The following UBAP2L variants were observed in gnomAD, a reference collection of about 807,000 sequenced individuals.
UBAP2L encodes ubiquitin associated protein 2 like, also known as ubiquitin-associated protein 2-like.
A neutral mutation model predicts 130.6 loss-of-function variants in UBAP2L; 12 were observed. That is an observed-to-expected ratio of 0.09 (90% confidence interval 0.06 to 0.15). The LOEUF is 0.15. Ranked by LOEUF, UBAP2L falls within the 10% of genes least tolerant of loss-of-function variation. UBAP2L has a pLI of 1.00. For synonymous variants in UBAP2L, 503 were observed against 524.7 expected (o/e 0.96, Z 0.57); for missense variants, 965 against 1,332.5 (o/e 0.72, Z 4.29).
chr1:154,220,190 G>A, upstream of UBAP2L: 1 of 1,000,992 alleles, frequency 1.0e-6, no homozygotes, highest in Non-Finnish European at 1.6e-6. Context: ...CCGACTAAGT[G>A]ACTTAAACTC....
chr1:154,269,606 C>G, intron 26 of UBAP2L: 1 of 357,902 alleles, frequency 2.8e-6, no homozygotes, highest in South Asian at 2.2e-5. Flanking sequence ...ATCTTTGTAC[C>G]CTTCCCCAGC....
At chr1:154,254,808 G>T (rs755016248) in intron 15 of UBAP2L, 28 bp from the exon 16 acceptor site, 1 of 1,569,152 alleles carries the variant, frequency 6.4e-7, no homozygotes, top group Non-Finnish European at 8.5e-7. Flanking sequence ...TCTGTTTCTT[G>T]CTCTTCTGTT....
chr1:154,243,945 A>G (rs140428422), intron 10 of UBAP2L, among the ~76,000 whole-genome samples: 3 of 152,296 alleles, frequency 2.0e-5, no homozygotes, highest in African/African-American at 7.2e-5. Flanking sequence ...AAAAGTGGAA[A>G]TGTTTTCATT....
chr1:154,251,180 T>A lies in UBAP2L; in HGVS notation c.1353T>A (p.Pro451=), dbSNP rs779760753. 1.9e-6 allele frequency: 3 copies of A among 1,614,028 alleles called. No homozygotes were observed. Among genetic ancestry groups the A allele is most frequent in the Non-Finnish European group, 1.7e-6 (2 of 1,180,032 alleles). The part of the protein sequence containing the change: ...AVATSTAAPP[P]PSSPLPSKST... ...CTACCTCCACAGCTGCACCTCCACC[T>A]CCGTCTTCTCCTCTGCCAAGCAAAT... The change falls in exon 13 of 27, where the codon CCT becomes CCA. Residue 451 remains proline (P), a synonymous_variant. Transcript: ENST00000428931.
At chr1:154,220,400 G>T, upstream of UBAP2L, 1 of 1,614,218 alleles carries the variant, frequency 6.2e-7, no homozygotes, top group Non-Finnish European at 8.5e-7. Flanking sequence ...GTTACTGCCG[G>T]ACGCCATGGC....
intron 24 of UBAP2L, 99 bp from the exon 25 acceptor site, chr1:154,266,402 T>G: frequency 7.8e-7 from 1 of 1,281,232 alleles, no homozygotes; most frequent in South Asian, 1.2e-5. Flanking sequence ...TTCCCTTGCA[T>G]TGGTATAGCT....
chr1:154,261,646 G>T lies in UBAP2L; in HGVS notation c.2851G>T (p.Ala951Ser), dbSNP rs1211947620. ...HGVNVSVNAS[A>S]TPFQQPSGYG... Reference sequence around the variant, plus strand: ...TGTGAATGTCAGTGTGAATGCATCGGCCACCCCTTTCCAACAGCCGAGTGG... The same window carrying T: ...TGTGAATGTCAGTGTGAATGCATCGTCCACCCCTTTCCAACAGCCGAGTGG... The change falls in exon 24 of 27, where the codon GCC becomes TCC. Residue 951 changes from alanine (A) to serine (S), a missense_variant. By Grantham distance (99) the Ala-to-Ser change is moderately conservative. Around this residue, in one of 9 missense-constraint regions of UBAP2L, gnomAD observed 194 missense variants for 334.0 expected, o/e 0.58. Transcript: ENST00000428931. The T allele has an allele frequency of 6.2e-7, 1 of 1,614,086 alleles. No individual in the cohort carries two copies. Among genetic ancestry groups the T allele is most frequent in the Admixed American group, 1.7e-5 (1 of 60,000 alleles).
At position 154,231,856 on chromosome 1, in the gene UBAP2L, G is replaced by A. The variant is rs189890466; in HGVS notation, c.280-2735G>A. On this transcript the variant is annotated intron_variant, in intron 4 of 26. Transcript: ENST00000428931. ...TAGACATAATACTTGATACCCTTAA[G>A]TTCTTCAACATGCTTCCCTTAAAGG... is the stretch of plus-strand genomic sequence containing the variant. 2.2e-4 allele frequency among the ~76,000 whole-genome samples: 34 copies of A among 152,210 alleles called. No individual in the cohort carries two copies. The East Asian group carries it at 3.9e-3, about 17-fold the overall frequency.
In UBAP2L at chr1:154,249,284, G is replaced by T; in HGVS notation, c.1060G>T (p.Gly354Cys). The change falls in exon 12 of 27, where the codon GGC (glycine) becomes TGC (cysteine). Residue 354 changes from glycine (G) to cysteine (C), a missense_variant. By Grantham distance (159) the Gly-to-Cys change is radical (BLOSUM62 -3). Coordinates refer to ENST00000428931, the MANE Select transcript of UBAP2L (RefSeq NM_014847.4). ...KGFGDVGEAK[G>C]GSTTGSQFLE... ...ATTTGGTGATGTCGGTGAAGCTAAA[G>T]GCGGCAGTACTACAGGCTCCCAGTT... is the stretch of plus-strand genomic sequence containing the variant. 1.2e-6 allele frequency: 2 copies of T among 1,614,164 alleles called. No homozygotes were observed. Among genetic ancestry groups the T allele is most frequent in the Non-Finnish European group, 1.7e-6 (2 of 1,180,038 alleles).
intron 26 of UBAP2L, chr1:154,269,762 G>A (rs1419170243): frequency 1.6e-5 from 4 of 244,918 alleles, no homozygotes; most frequent in Non-Finnish European, 3.3e-5. Context: ...GGCGATGCAA[G>A]TGGCCTCTTG....
At chr1:154,232,082 A>G (rs1179374524) in intron 4 of UBAP2L, among the ~76,000 whole-genome samples, 1 of 152,142 alleles carries the variant, frequency 6.6e-6, no homozygotes, top group Non-Finnish European at 1.5e-5. Context: ...TAATCCCAGC[A>G]CTTTGGGAGG....
chr1:154,246,497 C>A, intron 11 of UBAP2L, 122 bp downstream of exon 11: 1 of 1,134,122 alleles, frequency 8.8e-7, no homozygotes, highest in Non-Finnish European at 1.2e-6. Context: ...TCTTCTTAAG[C>A]AGACTTGGTT....
intron 11 of UBAP2L, among the ~76,000 whole-genome samples, chr1:154,247,131 G>A (rs2148824894): frequency 6.6e-6 from 1 of 152,152 alleles, no homozygotes; most frequent in Non-Finnish European, 1.5e-5. Flanking sequence ...TTTTTTGATG[G>A]AGGGATACTA....
At position 154,225,122 on chromosome 1, in the gene UBAP2L, A is replaced by G; in HGVS notation, c.-2A>G. ...AAATACTGTTATTTGTATATACTGT[A>G]AATGATGACATCGGTGGGCACTAAC... On this transcript the variant is annotated 5_prime_UTR_variant, in exon 2 of 27. Transcript: ENST00000428931. The G allele has an allele frequency of 6.2e-7, 1 of 1,614,064 alleles. No individual in the cohort carries two copies. The highest frequency in any genetic ancestry group is 8.5e-7 in the Non-Finnish European group (1 of 1,179,946).
intron 24 of UBAP2L, chr1:154,263,090 T>C (rs1417879677): frequency 1.3e-6 from 2 of 1,551,610 alleles, no homozygotes. Flanking sequence ...TTTATGTATT[T>C]GATTCCTTTT....
At chr1:154,222,530 A>G (rs149543601) in intron 1 of UBAP2L, among the ~76,000 whole-genome samples, 72 of 152,304 alleles carry the variant, frequency 4.7e-4, no homozygotes, top group African/African-American at 1.4e-3. Flanking sequence ...TTTGTTTTTC[A>G]TCTTTAAAGC....
chr1:154,269,514 C>T, intron 26 of UBAP2L: 2 of 999,544 alleles, frequency 2.0e-6, no homozygotes, highest in Non-Finnish European at 1.4e-6. Flanking sequence ...GGTCACAAAT[C>T]GGGATACACA....
chr1:154,263,132 T>C (rs1355264143), intron 24 of UBAP2L: 1 of 1,552,182 alleles, frequency 6.4e-7, no homozygotes, highest in African/African-American at 1.4e-5. Context: ...TTACAAGCAT[T>C]TCTGGACGGC....
At chr1:154,262,979 C>A in intron 24 of UBAP2L, 1 of 894,074 alleles carries the variant, frequency 1.1e-6, no homozygotes, top group Non-Finnish European at 1.6e-6. Flanking sequence ...GAAATCCCAC[C>A]TTCTTGCCTC....
Sources: gnomAD v4.1 joint callset for allele counts (sites outside exome capture counted in the v4.1 genomes callset) on GRCh38, gnomAD v4.1.1 for gene constraint, gnomAD v4.1.1 regional missense constraint, MANE v1.5 for transcripts, NCBI Gene and HGNC (gene_info 2026-07-23, HGNC 2026-07-21) for gene names.